SLC2A9: variants seen among roughly 807,000 people sequenced by gnomAD.
The protein encoded by SLC2A9 is solute carrier family 2, facilitated glucose transporter member 9.
Under a neutral mutation model 50.6 loss-of-function variants are expected in SLC2A9, and 39 were observed. The observed-to-expected ratio is 0.77, with a 90% CI of 0.60 to 1.01. The LOEUF (loss-of-function observed/expected upper bound fraction) is 1.01, where lower values mean the gene tolerates loss of function less well. Among genes scored for constraint, SLC2A9 ranks in the 50% least tolerant of loss-of-function variants. SLC2A9 has a pLI of 0.00. For missense variants in SLC2A9, 686 were observed against 677.6 expected (o/e 1.01, Z -0.14); for synonymous variants, 324 against 276.9 (o/e 1.17, Z -1.69).
At chr4:9,816,148 T>C (rs887176115) in intron 3 of SLC2A9, among the ~76,000 whole-genome samples, 4 of 151,568 alleles carry the variant, frequency 2.6e-5, no homozygotes, top group African/African-American at 9.7e-5. Flanking sequence ...CCAGCCTGGG[T>C]AACAGAGCAA....
chr4:9,916,640 G>A (rs1742894403), intron 7 of SLC2A9, among the ~76,000 whole-genome samples: 1 of 152,224 alleles, frequency 6.6e-6, no homozygotes, highest in South Asian at 2.1e-4. Context: ...CCATTTTTCA[G>A]GATGGGAGAC....
At chr4:9,922,647 T>C (rs1002993285) in intron 6 of SLC2A9, among the ~76,000 whole-genome samples, 1 of 152,176 alleles carries the variant, frequency 6.6e-6, no homozygotes, top group African/African-American at 2.4e-5. Flanking sequence ...CCTCCTGCAA[T>C]GCATGAGTTT....
chr4:9,996,667 C>T, intron 3 of SLC2A9, 114 bp downstream of exon 3: 11 of 1,291,984 alleles, frequency 8.5e-6, no homozygotes, highest in Non-Finnish European at 1.2e-5. Flanking sequence ...GCATTTGAAT[C>T]TCTCCAGTTG....
chr4:9,863,407 A>G (rs527800783), intron 10 of SLC2A9, among the ~76,000 whole-genome samples: 2 of 152,144 alleles, frequency 1.3e-5, no homozygotes, highest in Admixed American at 6.5e-5. Flanking sequence ...TCAGCCTCCC[A>G]AAGTATCGGA....
intron 2 of SLC2A9, among the ~76,000 whole-genome samples, chr4:10,017,335 C>T (rs981558002): frequency 6.6e-6 from 1 of 152,204 alleles, no homozygotes; most frequent in Non-Finnish European, 1.5e-5. Context: ...GATGAACTTT[C>T]AAGATGAAGC....
At chr4:9,829,499 A>G (rs1423303955) in intron 11 of SLC2A9, among the ~76,000 whole-genome samples, 1 of 151,900 alleles carries the variant, frequency 6.6e-6, no homozygotes, top group Non-Finnish European at 1.5e-5. Flanking sequence ...AGAGCAACAA[A>G]AGCAAAAATT....
intron 5 of SLC2A9, among the ~76,000 whole-genome samples, chr4:9,955,287 T>C (rs1314916684): frequency 2.2e-5 from 1 of 45,620 alleles, no homozygotes; most frequent in Non-Finnish European, 4.3e-5. Flanking sequence ...GGTCAGGAGA[T>C]CGAGACCATC....
At chr4:9,775,969 G>A (rs1717505324), downstream of SLC2A9, among the ~76,000 whole-genome samples, 1 of 152,014 alleles carries the variant, frequency 6.6e-6, no homozygotes, top group African/African-American at 2.4e-5. Flanking sequence ...GGGTCCTGTG[G>A]GATGTTCCTA....
intron 2 of SLC2A9, among the ~76,000 whole-genome samples, chr4:10,007,784 C>T (rs1761057910): frequency 6.6e-6 from 1 of 152,178 alleles, no homozygotes; most frequent in South Asian, 2.1e-4. Flanking sequence ...CATTACCAGT[C>T]AATTCACTTC....
chr4:9,994,906 G>A (rs1758367974), intron 3 of SLC2A9, among the ~76,000 whole-genome samples: 2 of 152,148 alleles, frequency 1.3e-5, no homozygotes, highest in Admixed American at 6.5e-5. Context: ...AGGACCATGG[G>A]CAGGGTCTGG....
At chr4:9,872,499 C>G (rs1050777703) in intron 10 of SLC2A9, among the ~76,000 whole-genome samples, 2 of 152,236 alleles carry the variant, frequency 1.3e-5, no homozygotes, top group Non-Finnish European at 2.9e-5. Flanking sequence ...TCCTGTTTTC[C>G]AAACGCTTGA....
At chr4:9,771,387 G>A (rs1436987356) in intron 1 of SLC2A9, 2 of 397,670 alleles carry the variant, frequency 5.0e-6, no homozygotes, top group Non-Finnish European at 8.9e-6. Flanking sequence ...AGGAGAGAGG[G>A]TGTAGAGTCA....
At chr4:10,019,142 A>C in intron 1 of SLC2A9, 69 bp from the exon 2 acceptor site, 1 of 1,291,362 alleles carries the variant, frequency 7.7e-7, no homozygotes, top group Non-Finnish European at 1.1e-6. Flanking sequence ...AAGACCTGGA[A>C]CGTTCCCTCA....
intron 7 of SLC2A9, among the ~76,000 whole-genome samples, chr4:9,912,373 G>C (rs2110019969): frequency 6.6e-6 from 1 of 152,274 alleles, no homozygotes; most frequent in South Asian, 2.1e-4. Context: ...TCTCTTTTCA[G>C]CCTCCTTCTT....
intron 7 of SLC2A9, among the ~76,000 whole-genome samples, chr4:9,909,924 T>G (rs1266303375): frequency 6.6e-6 from 1 of 152,246 alleles, no homozygotes; most frequent in Non-Finnish European, 1.5e-5. Context: ...ACTCTCGCAT[T>G]TTGCTCTTTG....
At chr4:9,782,093 G>T in intron 3 of SLC2A9, 1 of 1,528,546 alleles carries the variant, frequency 6.5e-7, no homozygotes, top group Admixed American at 2.0e-5. Context: ...CCAGCAGCTG[G>T]CGCAGGGGAA....
At chr4:9,994,537 G>A (rs1345315882) in intron 3 of SLC2A9, among the ~76,000 whole-genome samples, 8 of 146,464 alleles carry the variant, frequency 5.5e-5, no homozygotes, top group African/African-American at 2.0e-4. Flanking sequence ...TATTTTCAAA[G>A]TTGTTTTCTC....
rs571240724 is a variant in SLC2A9 at position 9,857,854 on chromosome 4, C to T, written c.1292-22846G>A. 5.9e-5 allele frequency among the ~76,000 whole-genome samples: 9 copies of T among 152,274 alleles called. 1 individual carries two copies. In the South Asian group the frequency reaches 1.2e-3, roughly 21 times the overall value. Reference sequence around the variant, plus strand: ...CTTAGGGTCTCTTGGAGAAACACTTCCCAGCTTTTCAAAGTCCTGCTATCC... The same window carrying T: ...CTTAGGGTCTCTTGGAGAAACACTTTCCAGCTTTTCAAAGTCCTGCTATCC... On this transcript the variant is annotated intron_variant, in intron 10 of 11. Coordinates refer to ENST00000264784, the MANE Select transcript of SLC2A9 (RefSeq NM_020041.3).
At chr4:9,830,858 T>C (rs1288857450) in intron 11 of SLC2A9, among the ~76,000 whole-genome samples, 1 of 152,130 alleles carries the variant, frequency 6.6e-6, no homozygotes, top group Admixed American at 6.5e-5. Flanking sequence ...GAGGTGAGCA[T>C]GAAGGGATGT....
Sources: allele counts gnomAD v4.1 joint callset (sites outside exome capture counted in the v4.1 genomes callset), GRCh38; gene constraint gnomAD v4.1.1; transcripts MANE v1.5; gene names NCBI Gene and HGNC (gene_info 2026-07-23, HGNC 2026-07-21).